TGM2: variants seen among roughly 807,000 people sequenced by gnomAD.
TGM2 encodes transglutaminase 2.
Under a neutral mutation model 75.6 loss-of-function variants are expected in TGM2, and 53 were observed. The observed-to-expected ratio is 0.70, with a 90% CI of 0.56 to 0.88. The LOEUF (loss-of-function observed/expected upper bound fraction) is 0.88. TGM2 is among the 40% of genes least tolerant of loss of function. The pLI is 0.00. For synonymous variants in TGM2, 374 were observed against 381.1 expected (o/e 0.98, Z 0.22); for missense variants, 842 against 928.5 (o/e 0.91, Z 1.21).
chr20:38,132,261 T>C, intron 11 of TGM2, 79 bp downstream of exon 11: 1 of 1,529,114 alleles, frequency 6.5e-7, no homozygotes, highest in Non-Finnish European at 9.0e-7. Context: ...TGCAGGTGTG[T>C]GGGGTGGGGG....
At position 38,138,211 on chromosome 20, in the gene TGM2, C is replaced by T. The variant is rs926132936; in HGVS notation, c.1517G>A (p.Arg506His). ...TNNTAEEYVCRLLLCARTVSY... is the reference protein window; with the variant it reads ...TNNTAEEYVCHLLLCARTVSY... Reference sequence around the variant, plus strand: ...GACGGTGCGGGCACAGAGCAGGAGGCGGCAGACGTACTCCTCAGCGGTGTT... The same window carrying T: ...GACGGTGCGGGCACAGAGCAGGAGGTGGCAGACGTACTCCTCAGCGGTGTT... Residue 506 changes from arginine to histidine, a missense_variant, in exon 10 of 13, where the codon CGC becomes CAC. Physicochemically the swap from Arg to His is conservative, Grantham distance 29. Transcript: ENST00000361475. 11 of 1,609,982 alleles carry T rather than the reference C, an allele frequency of 6.8e-6. No individual in the cohort carries two copies. The highest frequency in any genetic ancestry group is 8.5e-6 in the Non-Finnish European group (10 of 1,178,296).
At chr20:38,136,672 C>T (rs1194743195) in intron 10 of TGM2, among the ~76,000 whole-genome samples, 1 of 152,198 alleles carries the variant, frequency 6.6e-6, no homozygotes, top group Non-Finnish European at 1.5e-5. Context: ...CATTCTGCAG[C>T]TCCCAGGTCC....
chr20:38,138,454 C>T (rs1249259072), intron 9 of TGM2, 69 bp from the exon 10 acceptor site: 6 of 1,608,974 alleles, frequency 3.7e-6, no homozygotes, highest in East Asian at 2.2e-5. Context: ...TGCAACAGGG[C>T]GAGCTGTCTT....
chr20:38,149,646 T>C (rs1181623995), intron 4 of TGM2, among the ~76,000 whole-genome samples: 1 of 119,366 alleles, frequency 8.4e-6, no homozygotes, highest in Admixed American at 1.2e-4. Context: ...ACCACTGCAC[T>C]CCAGCCTGGG....
At chr20:38,134,429 A>G (rs1244328834) in intron 10 of TGM2, among the ~76,000 whole-genome samples, 1 of 152,176 alleles carries the variant, frequency 6.6e-6, no homozygotes, top group African/African-American at 2.4e-5. Flanking sequence ...GAAAAACATT[A>G]TCCTCCGGGG....
At chr20:38,162,664 G>T (rs1462683648) in intron 1 of TGM2, among the ~76,000 whole-genome samples, 1 of 152,132 alleles carries the variant, frequency 6.6e-6, no homozygotes, top group Non-Finnish European at 1.5e-5. Flanking sequence ...AAATACTGAT[G>T]GCATAATGGT....
upstream of TGM2, chr20:38,165,319 G>A (rs1294186501): frequency 8.1e-6 from 12 of 1,474,700 alleles, no homozygotes; most frequent in Admixed American, 3.5e-5. Flanking sequence ...GGGGCGGGCC[G>A]GGGGCGGGGC....
At chr20:38,132,715 G>T in intron 10 of TGM2, 1 of 685,904 alleles carries the variant, frequency 1.5e-6, no homozygotes, top group South Asian at 1.5e-5. Flanking sequence ...GACGCACTTG[G>T]ACTCCCACGG....
chr20:38,130,336 C>A lies in TGM2; in HGVS notation c.1947G>T (p.Lys649Asn). The part of the protein sequence containing the change: ...PDPVEAGEEV[K>N]VRMDLLPLHM... ...GGAGCGGCAGCAGGTCCATTCTCAC[C>A]TTAACTTCCTCCCCTGCCTCCACGG... The change falls in exon 13 of 13, where the codon AAG (lysine) becomes AAT (asparagine). Residue 649 changes from lysine to asparagine, a missense_variant. Transcript: ENST00000361475. The A allele has an allele frequency of 6.2e-7, 1 of 1,603,824 alleles. No individual in the cohort carries two copies. The highest frequency in any genetic ancestry group is 1.7e-5 in the Admixed American group (1 of 58,026).
chr20:38,155,037 C>A (rs536905919), intron 3 of TGM2, among the ~76,000 whole-genome samples: 1 of 152,314 alleles, frequency 6.6e-6, no homozygotes, highest in South Asian at 2.1e-4. Flanking sequence ...ACCTGGTGGG[C>A]AGAGGTTGCA....
At chr20:38,137,529 AG>A (rs1386051281) in intron 10 of TGM2, among the ~76,000 whole-genome samples, 1 of 152,248 alleles carries the variant, frequency 6.6e-6, no homozygotes, top group Non-Finnish European at 1.5e-5. Flanking sequence ...TCAAGCGCTT[AG>A]CAGCCACGTG....
chr20:38,131,421 C>G (rs561117871), intron 11 of TGM2, among the ~76,000 whole-genome samples, 192 bp from the exon 12 acceptor site: 3 of 149,880 alleles, frequency 2.0e-5, no homozygotes, highest in South Asian at 4.2e-4. Context: ...CGGCCCAGGT[C>G]TCCTGCATGG....
At chr20:38,144,615 G>A (rs1296751142) in intron 6 of TGM2, among the ~76,000 whole-genome samples, 1 of 152,216 alleles carries the variant, frequency 6.6e-6, no homozygotes, top group Non-Finnish European at 1.5e-5. Flanking sequence ...TCCTATGAAT[G>A]AGATCAGTCA....
At chr20:38,133,885 AC>A (rs1175100793) in intron 10 of TGM2, 1 of 152,568 alleles carries the variant, frequency 6.6e-6, no homozygotes, top group Admixed American at 6.5e-5. Flanking sequence ...TGATTGCACC[AC>A]TGCACTCCAG....
At chr20:38,137,362 G>A (rs2074912321) in intron 10 of TGM2, among the ~76,000 whole-genome samples, 1 of 152,162 alleles carries the variant, frequency 6.6e-6, no homozygotes, top group African/African-American at 2.4e-5. Context: ...GTGCACGCCT[G>A]TAATCCCAGC....
At chr20:38,149,560 T>C (rs1263420323) in intron 4 of TGM2, among the ~76,000 whole-genome samples, 42 of 151,400 alleles carry the variant, frequency 2.8e-4, no homozygotes, top group Admixed American at 2.8e-3. Flanking sequence ...GCGTCTGTAG[T>C]CCCAGCTACT....
chr20:38,166,984 G>A (rs1044659388), upstream of TGM2, among the ~76,000 whole-genome samples: 1 of 152,168 alleles, frequency 6.6e-6, no homozygotes, highest in Non-Finnish European at 1.5e-5. Context: ...GTGGCCATGG[G>A]CAGGATTTTG....
At chr20:38,137,630 G>T (rs1198245304) in intron 10 of TGM2, among the ~76,000 whole-genome samples, 1 of 152,158 alleles carries the variant, frequency 6.6e-6, no homozygotes, top group Non-Finnish European at 1.5e-5. Flanking sequence ...CCAAGGCGCT[G>T]GGTTAGAGAC....
chr20:38,145,392 T>C (rs1053540275), intron 6 of TGM2: 6 of 152,198 alleles, frequency 3.9e-5, no homozygotes, highest in Admixed American at 2.6e-4. Flanking sequence ...CAAAATCATT[T>C]TAAGCACTTC....
Sources: allele counts gnomAD v4.1 joint callset (sites outside exome capture counted in the v4.1 genomes callset), GRCh38; gene constraint gnomAD v4.1.1; transcripts MANE v1.5; gene names NCBI Gene and HGNC (gene_info 2026-07-23, HGNC 2026-07-21).